The following FAM184B variants were observed in gnomAD, a reference collection of about 807,000 sequenced individuals.
FAM184B encodes protein FAM184B.
FAM184B carries 111 observed loss-of-function variants against 135.9 expected under a neutral mutation model. That is an observed-to-expected ratio of 0.82 (90% CI 0.70 to 0.96). FAM184B has a LOEUF of 0.96. FAM184B is among the 40% of genes least tolerant of loss of function. The pLI is 0.00. For synonymous variants in FAM184B, 552 were observed against 524.8 expected, an observed-to-expected ratio of 1.05 and a Z score of -0.71; for missense variants, 1,375 against 1,323.9, an observed-to-expected ratio of 1.04 and a Z score of -0.60.
At position 17,632,627 on chromosome 4, in the gene FAM184B, T is replaced by TA; in HGVS notation, c.3090-3dup. On this transcript the variant is annotated splice_region_variant and splice_polypyrimidine_tract_variant and intron_variant, in intron 17 of 17. Transcript: ENST00000265018. ...TGGGCCGTTTCACCATCTGGGGTCC[T>TA]AAAAGCAAAAAAAGGTTTTTTTATA... is the stretch of plus-strand genomic sequence containing the variant. The TA allele has an allele frequency of 4.0e-6, 6 of 1,489,254 alleles. No homozygotes were observed. The highest frequency in any genetic ancestry group is 5.4e-6 in the Non-Finnish European group (6 of 1,112,996). The allele number at this position is 1,489,254 out of a possible 1,614,324, so 92.3% of individuals were successfully genotyped here. A position where few individuals can be genotyped will look rare whatever the true frequency, so the allele number is the denominator to read the frequency against.
At chr4:17,637,140 C>T (rs1017733972) in intron 14 of FAM184B, among the ~76,000 whole-genome samples, 1 of 152,146 alleles carries the variant, frequency 6.6e-6, no homozygotes, top group African/African-American at 2.4e-5. Flanking sequence ...GATTCTTGTG[C>T]CTCACAGCCT....
intron 1 of FAM184B, among the ~76,000 whole-genome samples, chr4:17,763,086 T>C (rs939300494): frequency 1.3e-5 from 2 of 152,180 alleles, no homozygotes; most frequent in Non-Finnish European, 2.9e-5. Flanking sequence ...CATTTCTTAG[T>C]GCCCATTTTG....
intron 1 of FAM184B, among the ~76,000 whole-genome samples, chr4:17,760,865 G>T (rs1055186730): frequency 2.0e-5 from 3 of 152,206 alleles, no homozygotes; most frequent in Non-Finnish European, 4.4e-5. Context: ...ATTTTCAGTT[G>T]AGTCGTGCTG....
chr4:17,766,460 G>A (rs1388426351), intron 1 of FAM184B, among the ~76,000 whole-genome samples: 2 of 152,152 alleles, frequency 1.3e-5, no homozygotes, highest in African/African-American at 2.4e-5. Flanking sequence ...TAGATACAGA[G>A]TGCTGATTGG....
At chr4:17,735,904 G>A (rs1717897319) in intron 1 of FAM184B, among the ~76,000 whole-genome samples, 2 of 152,204 alleles carry the variant, frequency 1.3e-5, no homozygotes, top group Non-Finnish European at 2.9e-5. Context: ...GCTTTATTAA[G>A]GATGGGTGAC....
chr4:17,748,622 T>A (rs1349041089), intron 1 of FAM184B, among the ~76,000 whole-genome samples: 1 of 149,580 alleles, frequency 6.7e-6, no homozygotes, highest in African/African-American at 2.5e-5. Flanking sequence ...GCTCAAGTGA[T>A]CCTCCAGCCT....
intron 9 of FAM184B, among the ~76,000 whole-genome samples, chr4:17,659,167 G>A (rs1448434683): frequency 6.7e-6 from 1 of 150,320 alleles, no homozygotes; most frequent in Non-Finnish European, 1.5e-5. Flanking sequence ...GTGCAGTGGT[G>A]TGATCACGAC....
chr4:17,666,717 A>G (rs537896405), intron 7 of FAM184B, among the ~76,000 whole-genome samples: 1 of 151,818 alleles, frequency 6.6e-6, no homozygotes, highest in Non-Finnish European at 1.5e-5. Flanking sequence ...CTCACAATAC[A>G]TATCACGGCC....
At chr4:17,641,467 T>TC (rs1715309648) in intron 13 of FAM184B, among the ~76,000 whole-genome samples, 1 of 12,486 alleles carries the variant, frequency 8.0e-5, no homozygotes, top group East Asian at 0.022. Flanking sequence ...CCCTCTTTTT[T>TC]TTTTTTTTTT....
Position 17,632,512 on chromosome 4 carries a change from G to T in FAM184B, c.*20C>A, listed in dbSNP as rs537942025. 2.0e-5 allele frequency: 31 copies of T among 1,520,282 alleles called. No individual in the cohort carries two copies. In the African/African-American group the frequency reaches 4.1e-4, roughly 20 times the overall value. The allele number at this position is 1,520,282 out of a possible 1,614,324, so 94.2% of individuals were successfully genotyped here. A position where few individuals can be genotyped will look rare whatever the true frequency, so the allele number is the denominator to read the frequency against. On this transcript the variant is annotated 3_prime_UTR_variant, in exon 18 of 18. Coordinates refer to ENST00000265018, the MANE Select transcript of FAM184B (RefSeq NM_015688.2). ...TAAATGTTTTTCAAGTATCCTCTGT[G>T]ATGTATCCCAAAGGTTAGCTTAGAA...
intron 7 of FAM184B, among the ~76,000 whole-genome samples, chr4:17,672,631 A>T (rs1347998948): frequency 6.6e-6 from 1 of 152,110 alleles, no homozygotes; most frequent in Non-Finnish European, 1.5e-5. Flanking sequence ...ATCTATTGAG[A>T]TGATCATGTG....
chr4:17,776,280 T>G (rs2078723251), intron 1 of FAM184B, among the ~76,000 whole-genome samples: 1 of 152,240 alleles, frequency 6.6e-6, no homozygotes, highest in South Asian at 2.1e-4. Flanking sequence ...GAGGAAACTA[T>G]AATTAAATTG....
chr4:17,641,861 C>G (rs1715327335), intron 13 of FAM184B, among the ~76,000 whole-genome samples, 195 bp downstream of exon 13: 1 of 151,952 alleles, frequency 6.6e-6, no homozygotes, highest in Non-Finnish European at 1.5e-5. Flanking sequence ...TTCTGGAGCT[C>G]TGGGACTTTT....
chr4:17,707,141 T>G (rs932745423), intron 3 of FAM184B, among the ~76,000 whole-genome samples: 6 of 152,174 alleles, frequency 3.9e-5, no homozygotes, highest in Admixed American at 3.9e-4. Context: ...CTCACTATGT[T>G]GCCCAGGCTG....
At chr4:17,638,809 G>C (rs1715225277) in intron 14 of FAM184B, among the ~76,000 whole-genome samples, 1 of 151,852 alleles carries the variant, frequency 6.6e-6, no homozygotes, top group Admixed American at 6.6e-5. Context: ...AAAATGAAGG[G>C]AGACTGATGA....
chr4:17,730,781 A>T (rs1717757645), intron 1 of FAM184B, among the ~76,000 whole-genome samples: 1 of 152,206 alleles, frequency 6.6e-6, no homozygotes, highest in South Asian at 2.1e-4. Flanking sequence ...AGACGATCAA[A>T]CTACTCTGAG....
intron 1 of FAM184B, among the ~76,000 whole-genome samples, chr4:17,717,231 C>A (rs1717416410): frequency 6.6e-6 from 1 of 152,190 alleles, no homozygotes; most frequent in Non-Finnish European, 1.5e-5. Flanking sequence ...GGTAATATAT[C>A]TTAGGTGTCT....
At chr4:17,707,045 C>T (rs1436785303) in intron 3 of FAM184B, among the ~76,000 whole-genome samples, 1 of 152,100 alleles carries the variant, frequency 6.6e-6, no homozygotes, top group Non-Finnish European at 1.5e-5. Context: ...GCCTTGGCCT[C>T]CCAAAGTGCT....
intron 1 of FAM184B, among the ~76,000 whole-genome samples, chr4:17,760,062 A>C (rs1693598981): frequency 6.6e-6 from 1 of 152,156 alleles, no homozygotes; most frequent in Non-Finnish European, 1.5e-5. Flanking sequence ...ACATCTCAGC[A>C]TTTCATGACA....
Sources: gnomAD v4.1 joint callset for allele counts (sites outside exome capture counted in the v4.1 genomes callset) on GRCh38, gnomAD v4.1.1 for gene constraint, MANE v1.5 for transcripts, NCBI Gene and HGNC (gene_info 2026-07-23, HGNC 2026-07-21) for gene names.